Variants in GSE1 observed in about 807,000 individuals in gnomAD.
GSE1 encodes the protein genetic suppressor element 1.
In GSE1, 32 loss-of-function variants were observed where a neutral mutation model predicts 112.6. The observed-to-expected ratio is 0.28, with a 90% CI of 0.21 to 0.38. The LOEUF is 0.38. Among genes scored for constraint, GSE1 ranks in the 10% least tolerant of loss-of-function variants. The pLI is 1.00. For missense variants in GSE1, 2,348 were observed against 1,699.2 expected (o/e 1.38, Z -6.71); for synonymous variants, 1,115 against 735.6 (o/e 1.52, Z -8.35).
chr16:85,217,132 G>C (rs369661401), intron 1 of GSE1, among the ~76,000 whole-genome samples: 1 of 152,250 alleles, frequency 6.6e-6, no homozygotes, highest in Non-Finnish European at 1.5e-5. Context: ...CATATGGAGC[G>C]TGGGGGTGAT....
chr16:85,272,021 G>A (rs961794612), intron 1 of GSE1, among the ~76,000 whole-genome samples: 2 of 152,220 alleles, frequency 1.3e-5, no homozygotes, highest in Non-Finnish European at 2.9e-5. Flanking sequence ...CCCTCTGGTG[G>A]AGGCTGCCTC....
At chr16:85,604,124 C>T (rs1163808277) in intron 1 of GSE1, among the ~76,000 whole-genome samples, 1 of 152,116 alleles carries the variant, frequency 6.6e-6, no homozygotes, top group African/African-American at 2.4e-5. Context: ...GACAGAGGGA[C>T]CAAAAGGACC....
chr16:85,313,914 G>A (rs1172106195), intron 1 of GSE1, among the ~76,000 whole-genome samples: 1 of 94,206 alleles, frequency 1.1e-5, no homozygotes, highest in East Asian at 3.5e-4. Flanking sequence ...ACTAGTCTGA[G>A]CCTCTGTGTG....
chr16:85,658,839 GTGT>G (rs1350070257), intron 8 of GSE1, among the ~76,000 whole-genome samples: 2 of 152,192 alleles, frequency 1.3e-5, no homozygotes, highest in East Asian at 3.9e-4. Flanking sequence ...CCCAGCACAG[GTGT>G]TGTGACTTTG....
intron 1 of GSE1, among the ~76,000 whole-genome samples, chr16:85,225,602 G>T (rs1000211231): frequency 6.6e-6 from 1 of 152,174 alleles, no homozygotes; most frequent in Non-Finnish European, 1.5e-5. Context: ...GTGCGGTCAC[G>T]GTCTTAGGGA....
intron 1 of GSE1, among the ~76,000 whole-genome samples, chr16:85,247,965 G>A (rs894082904): frequency 4.6e-5 from 7 of 152,232 alleles, no homozygotes; most frequent in Admixed American, 4.6e-4. Flanking sequence ...GAATTCCTCG[G>A]GGACAAATTG....
chr16:85,264,331 C>A (rs559767712), intron 1 of GSE1, among the ~76,000 whole-genome samples: 1 of 152,076 alleles, frequency 6.6e-6, no homozygotes, highest in African/African-American at 2.4e-5. Context: ...CGGAGGACCC[C>A]GTCTCAGATG....
intron 2 of GSE1, among the ~76,000 whole-genome samples, chr16:85,508,970 T>C (rs2051638816): frequency 6.6e-6 from 1 of 152,144 alleles, no homozygotes; most frequent in Non-Finnish European, 1.5e-5. Context: ...GGCGACTGGC[T>C]GGCTGGGTCA....
At chr16:85,215,776 G>A (rs900890691) in intron 1 of GSE1, among the ~76,000 whole-genome samples, 1 of 152,148 alleles carries the variant, frequency 6.6e-6, no homozygotes, top group Non-Finnish European at 1.5e-5. Flanking sequence ...ATTATTATGG[G>A]ATGTTATGGG....
chr16:85,304,609 T>C (rs2930236), intron 1 of GSE1, among the ~76,000 whole-genome samples: 1 of 110,940 alleles, frequency 9.0e-6, no homozygotes, highest in Non-Finnish European at 1.8e-5. Flanking sequence ...GGCGGGGGGG[T>C]GGGGCATCCC....
chr16:85,588,263 G>T (rs2046800925), intron 1 of GSE1, among the ~76,000 whole-genome samples: 1 of 152,248 alleles, frequency 6.6e-6, no homozygotes. Context: ...TTCCCTACAT[G>T]GCATCGGCCA....
In GSE1 at chr16:85,322,125, C is replaced by A. The variant is rs147111512; in HGVS notation, c.2284-35338C>A. On this transcript the variant is annotated intron_variant, in intron 1 of 2. Transcript: ENST00000637419. ...GTCAGAAGAGCTGGGACTGGGTGGA[C>A]CTTCCAAGGCGCTCAGAGCAGTGTT... 2.1e-3 allele frequency among the ~76,000 whole-genome samples: 322 copies of A among 152,366 alleles called. 1 individual carries two copies. The highest frequency in any genetic ancestry group is 0.01 in the Middle Eastern group (3 of 294).
At chr16:85,600,562 A>ACACACAC (rs1567633440) in intron 1 of GSE1, among the ~76,000 whole-genome samples, 2 of 148,550 alleles carry the variant, frequency 1.3e-5, no homozygotes, top group African/African-American at 5.0e-5. Context: ...CTTGTTAAAA[A>ACACACAC]ACACACACAC....
rs116235246 is a variant in GSE1, at chr16:85,256,558, C to T, written c.2283+84751C>T. Among the ~76,000 whole-genome samples the T allele has an allele frequency of 2.6e-3, 397 of 152,360 alleles. 1 individual carries two copies. Among genetic ancestry groups the T allele is most frequent in the African/African-American group, 8.8e-3 (365 of 41,582 alleles). ...TTCCTTGGCGAAGCTCCCACTGGGC[C>T]TGATCCAGCACCTGGCCCGGCCTCC... On this transcript the variant is annotated intron_variant, in intron 1 of 2. Transcript: ENST00000637419.
intron 2 of GSE1, among the ~76,000 whole-genome samples, chr16:85,496,714 G>T (rs12930594): frequency 0.31 from 46,387 of 152,054 alleles, 8,537 homozygotes; most frequent in Non-Finnish European, 0.4. Flanking sequence ...TCCTTGGAGG[G>T]TGTGAGTGAT....
intron 1 of GSE1, among the ~76,000 whole-genome samples, chr16:85,190,897 G>T (rs558305089): frequency 7.0e-4 from 107 of 152,290 alleles, no homozygotes; most frequent in African/African-American, 2.5e-3. Context: ...TCATCTCCAG[G>T]GTGGCCTAGG....
intron 1 of GSE1, among the ~76,000 whole-genome samples, chr16:85,256,160 G>C (rs1256782493): frequency 2.0e-5 from 3 of 152,166 alleles, no homozygotes; most frequent in African/African-American, 7.2e-5. Context: ...GACGCCAACA[G>C]GGTGAGTTGG....
intron 1 of GSE1, among the ~76,000 whole-genome samples, chr16:85,296,531 C>G (rs1252567961): frequency 6.6e-6 from 1 of 152,146 alleles, no homozygotes; most frequent in African/African-American, 2.4e-5. Context: ...CGTTTGAGCC[C>G]AGGAGGTGGA....
At chr16:85,180,340 G>A (rs537294914) in intron 1 of GSE1, among the ~76,000 whole-genome samples, 77 of 152,336 alleles carry the variant, frequency 5.1e-4, no homozygotes, top group African/African-American at 1.8e-3. Context: ...GCAGCCCAGG[G>A]CCCAAAGGCG....
Sources: gnomAD v4.1 joint callset for allele counts (sites outside exome capture counted in the v4.1 genomes callset) on GRCh38, gnomAD v4.1.1 for gene constraint, MANE v1.5 for transcripts, NCBI Gene and HGNC (gene_info 2026-07-23, HGNC 2026-07-21) for gene names.